Variants in GRIN2A observed in about 807,000 individuals in gnomAD.
GRIN2A encodes glutamate ionotropic receptor NMDA type subunit 2A.
A neutral mutation model predicts 113.4 loss-of-function variants in GRIN2A; 22 were observed. That is an observed-to-expected ratio of 0.19 (90% CI 0.14 to 0.28). GRIN2A has a LOEUF of 0.28. Ranked by LOEUF, GRIN2A falls within the 10% of genes least tolerant of loss-of-function variation. GRIN2A has a pLI of 1.00. For missense variants in GRIN2A, 1,502 were observed against 1,887.0 expected (o/e 0.80, Z 3.78); for synonymous variants, 827 against 738.4 (o/e 1.12, Z -1.94).
intron 2 of GRIN2A, among the ~76,000 whole-genome samples, chr16:9,948,830 C>T (rs1817540875): frequency 6.6e-6 from 1 of 152,200 alleles, no homozygotes; most frequent in Non-Finnish European, 1.5e-5. Context: ...GGCCATCTGC[C>T]AAGCAAAGAA....
intron 2 of GRIN2A, among the ~76,000 whole-genome samples, chr16:10,085,649 T>C (rs1596489901): frequency 6.6e-6 from 1 of 152,262 alleles, no homozygotes; most frequent in South Asian, 2.1e-4. Flanking sequence ...AGGTGGTTGG[T>C]TGGAAACAGT....
chr16:10,108,893 G>C (rs573410679), intron 2 of GRIN2A, among the ~76,000 whole-genome samples: 5 of 151,900 alleles, frequency 3.3e-5, no homozygotes, highest in African/African-American at 1.2e-4. Context: ...GAAGGCAAGA[G>C]AAAGGTGAAG....
At chr16:9,874,951 G>A (rs992922218) in intron 4 of GRIN2A, among the ~76,000 whole-genome samples, 1 of 151,620 alleles carries the variant, frequency 6.6e-6, no homozygotes, top group African/African-American at 2.4e-5. Flanking sequence ...AGGCAGGTGT[G>A]GTGGCACACA....
At chr16:10,152,535 G>A (rs905680780) in intron 2 of GRIN2A, among the ~76,000 whole-genome samples, 1 of 152,100 alleles carries the variant, frequency 6.6e-6, no homozygotes, top group African/African-American at 2.4e-5. Flanking sequence ...CACTCACTCT[G>A]ACCTGGTTCA....
intron 3 of GRIN2A, among the ~76,000 whole-genome samples, chr16:9,895,918 A>AT (rs950202855): frequency 3.9e-5 from 6 of 152,212 alleles, no homozygotes; most frequent in Non-Finnish European, 5.9e-5. Context: ...TTATCAAGAA[A>AT]TTTGGAAATA....
chr16:10,117,633 G>A (rs1434365088), intron 2 of GRIN2A, among the ~76,000 whole-genome samples: 1 of 152,170 alleles, frequency 6.6e-6, no homozygotes, highest in Non-Finnish European at 1.5e-5. Flanking sequence ...GGGACCAGGA[G>A]CATATAATGA....
chr16:10,179,893 C>CCCAAACAAAAAAAAACA, intron 2 of GRIN2A, 105 bp downstream of exon 2: 1 of 719,818 alleles, frequency 1.4e-6, no homozygotes, highest in Non-Finnish European at 2.4e-6. Context: ...CCCCCACCCC[C>CCCAAACAAAAAAAAACA]ACTTCACATC....
At position 9,772,613 on chromosome 16, in the gene GRIN2A, C is replaced by A. The variant is rs538471925; in HGVS notation, c.2357-3524G>T. Among the ~76,000 whole-genome samples, 125 of 152,240 alleles carry A rather than the reference C, an allele frequency of 8.2e-4. 1 individual carries two copies. The South Asian group carries it at 0.013, about 15-fold the overall frequency. On this transcript the variant is annotated intron_variant, in intron 11 of 12. Coordinates refer to ENST00000330684, the MANE Select transcript of GRIN2A (RefSeq NM_001134407.3). The stretch of plus-strand genomic sequence containing the variant: ...ATGATCTCAAACTCCTGGGCTCAAG[C>A]AACCCACCTGGCTCAGCCTCCCAAA...
chr16:9,808,198 C>G (rs2042018690), intron 10 of GRIN2A, among the ~76,000 whole-genome samples: 1 of 152,226 alleles, frequency 6.6e-6, no homozygotes, highest in Non-Finnish European at 1.5e-5. Flanking sequence ...ACACTGCACT[C>G]TTTGCCGGAA....
At chr16:9,811,553 G>A (rs1220800725) in intron 10 of GRIN2A, among the ~76,000 whole-genome samples, 1 of 152,162 alleles carries the variant, frequency 6.6e-6, no homozygotes, top group African/African-American at 2.4e-5. Flanking sequence ...GAGGTCAGGA[G>A]TTTGAGACCA....
At chr16:9,954,346 C>T (rs1216101394) in intron 2 of GRIN2A, among the ~76,000 whole-genome samples, 1 of 152,168 alleles carries the variant, frequency 6.6e-6, no homozygotes, top group Non-Finnish European at 1.5e-5. Context: ...TGCACATGGT[C>T]GGCAGATTGA....
intron 2 of GRIN2A, among the ~76,000 whole-genome samples, chr16:10,048,065 T>G (rs1475231361): frequency 6.6e-6 from 1 of 152,230 alleles, no homozygotes; most frequent in Non-Finnish European, 1.5e-5. Flanking sequence ...ATCCCTTTAC[T>G]TTAATGATTA....
intron 2 of GRIN2A, among the ~76,000 whole-genome samples, chr16:9,959,521 A>G (rs186985324): frequency 2.0e-5 from 3 of 152,298 alleles, no homozygotes; most frequent in Admixed American, 2.0e-4. Context: ...ATGCCACCCA[A>G]GCTACCGATG....
chr16:9,778,175 TATCAAAC>T (rs1261651855), intron 11 of GRIN2A, among the ~76,000 whole-genome samples: 1 of 152,212 alleles, frequency 6.6e-6, no homozygotes, highest in Non-Finnish European at 1.5e-5. Flanking sequence ...TGGACAACTC[TATCAAAC>T]ATCAAACAAT....
At chr16:9,781,007 T>TTTTTTA (rs3058069) in intron 11 of GRIN2A, among the ~76,000 whole-genome samples, 2 of 151,734 alleles carry the variant, frequency 1.3e-5, no homozygotes, top group African/African-American at 4.8e-5. Context: ...TTTTTTTTTT[T>TTTTTTA]ATGGTAAACG....
rs147455769 is a variant in GRIN2A, at chr16:10,069,501, G to A, written c.414+110497C>T. ...CACAAGATGCAGTCCCTTGCAATGC[G>A]TCAGTCCCCCACAGCCAGTGGATCT... On this transcript the variant is annotated intron_variant, in intron 2 of 12. Transcript: ENST00000330684. 3.3e-3 allele frequency among the ~76,000 whole-genome samples: 496 copies of A among 152,292 alleles called. 4 individuals carry two copies. Among genetic ancestry groups the A allele is most frequent in the South Asian group, 8.5e-3 (41 of 4,826 alleles).
chr16:10,114,710 A>G (rs2048694422), intron 2 of GRIN2A, among the ~76,000 whole-genome samples: 1 of 152,244 alleles, frequency 6.6e-6, no homozygotes, highest in Admixed American at 6.5e-5. Context: ...CAGAGCCCAA[A>G]GCCTGTGCTT....
Position 10,112,922 on chromosome 16 carries a change from C to T in GRIN2A, c.414+67076G>A, listed in dbSNP as rs543497906. On this transcript the variant is annotated intron_variant, in intron 2 of 12. Coordinates refer to ENST00000330684, the MANE Select transcript of GRIN2A (RefSeq NM_001134407.3). Reference sequence around the variant, plus strand: ...GGATGAGGTGGTGGAGGGAGCATACCCCAGTGTCCACCTTCGGGCACAACC... The same window carrying T: ...GGATGAGGTGGTGGAGGGAGCATACTCCAGTGTCCACCTTCGGGCACAACC... 285 of 416,266 alleles carry T rather than the reference C, an allele frequency of 6.8e-4. 2 individuals are homozygous for T. The highest frequency in any genetic ancestry group is 4.1e-3 in the African/African-American group (203 of 48,926). 25.8% of individuals were successfully genotyped at this position (416,266 alleles called of 1,614,324 possible).
chr16:10,030,405 G>A (rs568307355), intron 2 of GRIN2A, among the ~76,000 whole-genome samples: 2 of 152,256 alleles, frequency 1.3e-5, no homozygotes, highest in South Asian at 2.1e-4. Context: ...CACCAAAGGC[G>A]TGTGGCTGCT....
Sources: allele counts gnomAD v4.1 joint callset (sites outside exome capture counted in the v4.1 genomes callset), GRCh38; gene constraint gnomAD v4.1.1; transcripts MANE v1.5; gene names NCBI Gene and HGNC (gene_info 2026-07-23, HGNC 2026-07-21).